Variants in GDAP1 observed in about 807,000 individuals in gnomAD.
GDAP1 encodes ganglioside induced differentiation associated protein 1, also known as ganglioside-induced differentiation-associated protein 1.
In GDAP1, 34 loss-of-function variants were observed where a neutral mutation model predicts 40.1. The ratio of observed to expected loss-of-function variants is 0.85; its 90% CI spans 0.64 to 1.13. The LOEUF (loss-of-function observed/expected upper bound fraction) is 1.13. Among genes scored for constraint, GDAP1 ranks in the 50% most tolerant of loss-of-function variants. The pLI is 0.00. For synonymous variants in GDAP1, 170 were observed against 157.4 expected (o/e 1.08, Z -0.60); for missense variants, 374 against 433.7 (o/e 0.86, Z 1.22).
At chr8:74,443,364 T>C (rs756819302) in intron 2 of GDAP1, among the ~76,000 whole-genome samples, 11 of 152,230 alleles carry the variant, frequency 7.2e-5, no homozygotes, top group Non-Finnish European at 1.6e-4. Flanking sequence ...TTGAAATTAG[T>C]TCCTTTCCAG....
chr8:74,363,897 C>T (rs947994453), intron 5 of GDAP1, 88 bp from the exon 6 acceptor site: 2 of 1,071,470 alleles, frequency 1.9e-6, no homozygotes, highest in African/African-American at 1.6e-5. Flanking sequence ...TACTCACACT[C>T]ACCCTTAAGG....
At chr8:74,387,438 T>C (rs1810041642) in intron 2 of GDAP1, among the ~76,000 whole-genome samples, 1 of 152,204 alleles carries the variant, frequency 6.6e-6, no homozygotes, top group African/African-American at 2.4e-5. Flanking sequence ...ATTGAGATAA[T>C]TATGTGGTTT....
chr8:74,432,204 T>G (rs1423492520), intron 2 of GDAP1, among the ~76,000 whole-genome samples: 1 of 152,168 alleles, frequency 6.6e-6, no homozygotes, highest in Non-Finnish European at 1.5e-5. Context: ...GGGACCCTGG[T>G]GGGCATTTCT....
chr8:74,383,865 A>G (rs1586816857), intron 2 of GDAP1, among the ~76,000 whole-genome samples: 1 of 152,270 alleles, frequency 6.6e-6, no homozygotes, highest in South Asian at 2.1e-4. Context: ...ACTCACAAAT[A>G]TAACAGATAT....
At chr8:74,369,598 CAA>C (rs983752083), downstream of GDAP1, among the ~76,000 whole-genome samples, 7 of 149,698 alleles carry the variant, frequency 4.7e-5, no homozygotes, top group Non-Finnish European at 1.0e-4. Flanking sequence ...AAAAAGAGAA[CAA>C]AGAATGGGGC....
At chr8:74,381,207 AT>A (rs1563452592) in intron 2 of GDAP1, among the ~76,000 whole-genome samples, 1 of 152,124 alleles carries the variant, frequency 6.6e-6, no homozygotes, top group African/African-American at 2.4e-5. Context: ...TGACCCAATA[AT>A]TTGAGTTTTA....
At chr8:74,411,179 A>C (rs1258249183) in intron 2 of GDAP1, among the ~76,000 whole-genome samples, 1 of 150,062 alleles carries the variant, frequency 6.7e-6, no homozygotes, top group Non-Finnish European at 1.5e-5. Flanking sequence ...GCCATGCCGA[A>C]CTGTGAGTCA....
At chr8:74,350,823 A>G (rs1808825418) in intron 1 of GDAP1, among the ~76,000 whole-genome samples, 1 of 152,182 alleles carries the variant, frequency 6.6e-6, no homozygotes, top group South Asian at 2.1e-4. Flanking sequence ...AAAAAGCATC[A>G]TTTTCAGTAT....
intron 2 of GDAP1, among the ~76,000 whole-genome samples, chr8:74,418,583 G>A (rs1159278346): frequency 6.6e-6 from 1 of 152,134 alleles, no homozygotes; most frequent in Non-Finnish European, 1.5e-5. Context: ...TTTTACAAGA[G>A]GACAAGGGAC....
At chr8:74,472,182 A>G (rs780708651) in intron 2 of GDAP1, among the ~76,000 whole-genome samples, 1 of 152,138 alleles carries the variant, frequency 6.6e-6, no homozygotes, top group Non-Finnish European at 1.5e-5. Flanking sequence ...AAGTAAGACT[A>G]TGTTGTATTT....
rs1251118892 is a variant in GDAP1 at position 74,454,077 on chromosome 8, C to T, written c.166-34601C>T. ...AAATAGAATTATTGCAGCTCATCAG[C>T]TAATTCTGTTTTTGTTTTGTTATTT... On this transcript the variant is annotated intron_variant, in intron 2 of 2. Coordinates refer to the GDAP1 transcript ENST00000523640. Among the ~76,000 whole-genome samples the T allele has an allele frequency of 4.8e-5, 4 of 83,132 alleles. 1 individual carries two copies. The highest frequency in any genetic ancestry group is 2.1e-4 in the African/African-American group (4 of 18,976). 54.5% of individuals were successfully genotyped at this position (83,132 alleles called of 152,430 possible). A position where few individuals can be genotyped will look rare whatever the true frequency, so the allele number is the denominator to read the frequency against.
At chr8:74,458,788 A>T (rs1806366509) in intron 2 of GDAP1, among the ~76,000 whole-genome samples, 1 of 152,078 alleles carries the variant, frequency 6.6e-6, no homozygotes, top group African/African-American at 2.4e-5. Flanking sequence ...GTGAGGTCAT[A>T]TTGGATTAGA....
At chr8:74,372,539 A>G (rs1809772644) in intron 2 of GDAP1, among the ~76,000 whole-genome samples, 2 of 152,186 alleles carry the variant, frequency 1.3e-5, no homozygotes. Flanking sequence ...GCATTTTTTC[A>G]TGTATCTGTT....
At chr8:74,399,217 C>G (rs887742840) in intron 2 of GDAP1, among the ~76,000 whole-genome samples, 1 of 141,232 alleles carries the variant, frequency 7.1e-6, no homozygotes, top group Middle Eastern at 3.2e-3. Flanking sequence ...ATTATTCCCA[C>G]AATTTCAGAT....
chr8:74,439,457 T>C (rs1393308074), intron 2 of GDAP1, among the ~76,000 whole-genome samples: 1 of 152,108 alleles, frequency 6.6e-6, no homozygotes, highest in Admixed American at 6.5e-5. Context: ...CTCTGTTCCA[T>C]TAGTTCATTT....
rs775559344 is a variant in GDAP1, at chr8:74,364,332, A to G, written c.1042A>G (p.Ile348Val). The change falls in exon 6 of 6, where the codon ATA becomes GTA. Residue 348 changes from isoleucine to valine, a missense_variant. Transcript: ENST00000220822. ...MLFRKRLGSMILAFRPRPNYF is the reference protein window; with the variant it reads ...MLFRKRLGSMVLAFRPRPNYF The stretch of plus-strand genomic sequence containing the variant: ...TTTCAGAAAGAGGCTTGGCAGCATG[A>G]TATTAGCATTTAGACCCAGACCAAA... 7.4e-6 allele frequency: 12 copies of G among 1,614,034 alleles called. No homozygotes were observed. The highest frequency in any genetic ancestry group is 1.1e-5 in the South Asian group (1 of 91,074).
chr8:74,357,213 A>G (rs1199598306), intron 2 of GDAP1, among the ~76,000 whole-genome samples: 1 of 152,232 alleles, frequency 6.6e-6, no homozygotes, highest in African/African-American at 2.4e-5. Flanking sequence ...AAGTTGTACA[A>G]GTAGACCTAG....
intron 2 of GDAP1, among the ~76,000 whole-genome samples, chr8:74,376,292 G>A (rs1809849921): frequency 6.6e-6 from 1 of 151,366 alleles, no homozygotes; most frequent in Non-Finnish European, 1.5e-5. Context: ...AAAATGCGAA[G>A]GACATAGTAA....
chr8:74,448,059 T>C (rs1806254447), intron 2 of GDAP1, among the ~76,000 whole-genome samples: 1 of 152,206 alleles, frequency 6.6e-6, no homozygotes, highest in Non-Finnish European at 1.5e-5. Context: ...ATTTTTAAAA[T>C]CAGTTGATTT....
Sources: allele counts gnomAD v4.1 joint callset (sites outside exome capture counted in the v4.1 genomes callset), GRCh38; gene constraint gnomAD v4.1.1; transcripts MANE v1.5; gene names NCBI Gene and HGNC (gene_info 2026-07-23, HGNC 2026-07-21).